Variants in NAT10 observed in about 807,000 individuals in gnomAD.
The protein encoded by NAT10 is N-acetyltransferase 10, also known as RNA cytidine acetyltransferase.
NAT10 carries 109 observed loss-of-function variants against 132.2 expected under a neutral mutation model. The ratio of observed to expected loss-of-function variants is 0.82; its 90% CI spans 0.71 to 0.97. NAT10 has a LOEUF of 0.97. NAT10 is among the 50% of genes least tolerant of loss of function. NAT10 has a pLI of 0.00. For missense variants in NAT10, 1,184 were observed against 1,263.4 expected, an observed-to-expected ratio of 0.94 and a Z score of 0.95; for synonymous variants, 479 against 478.0, an observed-to-expected ratio of 1.00 and a Z score of -0.03.
chr11:34,120,336 C>G (rs1409297171), intron 8 of NAT10, among the ~76,000 whole-genome samples: 4 of 152,132 alleles, frequency 2.6e-5, no homozygotes, highest in Admixed American at 2.6e-4. Flanking sequence ...TGATAAAATA[C>G]AGCCTTCAGG....
intron 8 of NAT10, among the ~76,000 whole-genome samples, chr11:34,120,979 C>T (rs1232603428): frequency 2.0e-5 from 3 of 152,030 alleles, no homozygotes; most frequent in Non-Finnish European, 4.4e-5. Flanking sequence ...TGTGCATGGG[C>T]CTGGGGGAGG....
chr11:34,130,046 A>G (rs1852077560), intron 12 of NAT10, among the ~76,000 whole-genome samples: 1 of 152,158 alleles, frequency 6.6e-6, no homozygotes, highest in Admixed American at 6.5e-5. Context: ...GGCATAAAAC[A>G]TCTAGCTTTT....
At chr11:34,137,389 C>A (rs972316434) in intron 21 of NAT10, among the ~76,000 whole-genome samples, 1 of 152,146 alleles carries the variant, frequency 6.6e-6, no homozygotes, top group Non-Finnish European at 1.5e-5. Context: ...ATGGGACTCA[C>A]TGCAGGAGGA....
intron 6 of NAT10, among the ~76,000 whole-genome samples, chr11:34,117,702 A>G (rs1188792067): frequency 4.6e-5 from 7 of 152,026 alleles, no homozygotes; most frequent in Non-Finnish European, 1.0e-4. Flanking sequence ...GAACGTTTGT[A>G]TTGTATTTCT....
At chr11:34,110,556 T>G (rs1851675802) in intron 3 of NAT10, among the ~76,000 whole-genome samples, 1 of 144,546 alleles carries the variant, frequency 6.9e-6, no homozygotes. Flanking sequence ...TTTTTTTCTT[T>G]CCCTTTTTTT....
intron 18 of NAT10, 73 bp downstream of exon 18, chr11:34,134,659 A>G (rs1590777487): frequency 6.8e-7 from 1 of 1,472,598 alleles, no homozygotes; most frequent in East Asian, 2.3e-5. Context: ...TGGTGGCTGG[A>G]ATAAGAAGCT....
Position 34,131,425 on chromosome 11 carries a change from G to C in NAT10, c.1414G>C (p.Ala472Pro). ...EVSLQESIRY[A>P]PGDAVEKWLN... ...TTCCCTCCAGGAGTCAATCCGATAC[G>C]CCCCTGGGGATGCAGTGGAGAAGTG... is the stretch of plus-strand genomic sequence containing the variant. The change falls in exon 14 of 29, where the codon GCC becomes CCC. Residue 472 changes from alanine (A) to proline (P), a missense_variant. Physicochemically the swap from Ala to Pro is conservative, Grantham distance 27. Coordinates refer to ENST00000257829, the MANE Select transcript of NAT10 (RefSeq NM_024662.3). 1 of 1,614,114 alleles carries C rather than the reference G, an allele frequency of 6.2e-7. No individual in the cohort carries two copies. The highest frequency in any genetic ancestry group is 1.3e-5 in the African/African-American group (1 of 75,030).
intron 5 of NAT10, among the ~76,000 whole-genome samples, chr11:34,114,379 C>G (rs1851748422): frequency 6.7e-6 from 1 of 150,000 alleles, no homozygotes; most frequent in South Asian, 2.1e-4. Flanking sequence ...CTCACTTTAT[C>G]AGCGTTGCCA....
chr11:34,131,356 T>TTG, intron 13 of NAT10, 25 bp from the exon 14 acceptor site: 2 of 1,586,884 alleles, frequency 1.3e-6, no homozygotes, highest in East Asian at 2.3e-5. Flanking sequence ...GTTTCTTCTT[T>TTG]TGTGTGTGTG....
intron 16 of NAT10, among the ~76,000 whole-genome samples, chr11:34,133,936 A>C (rs1852154949): frequency 6.6e-6 from 1 of 151,900 alleles, no homozygotes; most frequent in Non-Finnish European, 1.5e-5. Context: ...GCGGATCACA[A>C]GGTCAGAAGA....
chr11:34,141,407 A>ATC (rs566260255), intron 25 of NAT10, among the ~76,000 whole-genome samples, 199 bp downstream of exon 25: 6,266 of 81,014 alleles, frequency 0.077, 270 homozygotes, highest in East Asian at 0.25. Context: ...CTCATCACAC[A>ATC]TCACACACAC....
intron 27 of NAT10, 107 bp downstream of exon 27, chr11:34,142,455 A>G (rs565813170): frequency 2.1e-5 from 20 of 942,238 alleles, no homozygotes; most frequent in Admixed American, 4.3e-5. Context: ...AGTGTCTTTC[A>G]TGGGATCAGT....
intron 19 of NAT10, among the ~76,000 whole-genome samples, chr11:34,136,084 ATT>A (rs776894333): frequency 5.0e-5 from 7 of 141,078 alleles, no homozygotes; most frequent in Non-Finnish European, 3.1e-5. Flanking sequence ...TCTGTTGGGC[ATT>A]TTTTTTTTTT....
At chr11:34,128,607 A>G (rs1852045099) in intron 12 of NAT10, among the ~76,000 whole-genome samples, 1 of 152,224 alleles carries the variant, frequency 6.6e-6, no homozygotes. Flanking sequence ...TTCTGTATGC[A>G]GATTTATTGT....
rs530271836 is a variant in NAT10 at position 34,111,931 on chromosome 11, T to TTC, written c.201-120_201-119dup. 905 of 1,222,414 alleles carry TTC rather than the reference T, an allele frequency of 7.4e-4. 4 individuals carry two copies. In the African/African-American group the frequency reaches 0.012, roughly 16 times the overall value. 75.7% of individuals were successfully genotyped at this position (1,222,414 alleles called of 1,614,324 possible). On this transcript the variant is annotated intron_variant, in intron 3 of 28. Transcript: ENST00000257829. Reference sequence around the variant, plus strand: ...CTCCACCTGAAGTGGGCCTCACACTTTCAAGTTCCCTACTAGCTCTGAAAG... The same window carrying TTC: ...CTCCACCTGAAGTGGGCCTCACACTTTCTCAAGTTCCCTACTAGCTCTGAAAG...
At position 34,113,802 on chromosome 11, in the gene NAT10, C is replaced by T. The variant is rs74471251; in HGVS notation, c.459C>T (p.Thr153=). 5,073 of 1,614,024 alleles carry T rather than the reference C, an allele frequency of 3.1e-3. 106 individuals carry two copies. The African/African-American group carries it at 0.059, about 19-fold the overall frequency. The change falls in exon 5 of 29, where the codon ACC becomes ACT. Residue 153 remains threonine (T), a synonymous_variant. Coordinates refer to ENST00000257829, the MANE Select transcript of NAT10 (RefSeq NM_024662.3). ...GGCTAGTGGTCATCCTCCTACGGAC[C>T]ATGAACTCACTCAAGCAATTGTACA... ...GGGLVVILLR[T]MNSLKQLYTV... is the part of the protein sequence containing the mutation.
intron 6 of NAT10, among the ~76,000 whole-genome samples, chr11:34,116,324 CAA>C (rs1851782209): frequency 6.6e-6 from 1 of 152,178 alleles, no homozygotes; most frequent in Non-Finnish European, 1.5e-5. Flanking sequence ...AAAAAGGCGA[CAA>C]AGTGTTTCTT....
intron 23 of NAT10, 97 bp downstream of exon 23, chr11:34,139,592 G>A: frequency 9.2e-7 from 1 of 1,086,876 alleles, no homozygotes; most frequent in Non-Finnish European, 1.4e-6. Context: ...GGAAATTGAG[G>A]GACTGGTTCT....
intron 6 of NAT10, among the ~76,000 whole-genome samples, chr11:34,116,368 T>C (rs1328662737): frequency 2.6e-5 from 4 of 152,188 alleles, no homozygotes; most frequent in Non-Finnish European, 5.9e-5. Flanking sequence ...ATTTCAAATA[T>C]GGTGTACGGT....
Sources: allele counts gnomAD v4.1 joint callset (sites outside exome capture counted in the v4.1 genomes callset), GRCh38; gene constraint gnomAD v4.1.1; transcripts MANE v1.5; gene names NCBI Gene and HGNC (gene_info 2026-07-23, HGNC 2026-07-21).